The following CEP68 variants were observed in gnomAD, a reference collection of about 807,000 sequenced individuals.
CEP68 encodes centrosomal protein of 68 kDa.
Under a neutral mutation model 55.3 loss-of-function variants are expected in CEP68, and 26 were observed. The ratio of observed to expected loss-of-function variants is 0.47; its 90% CI spans 0.34 to 0.65. The LOEUF (loss-of-function observed/expected upper bound fraction) is 0.65. CEP68 is among the 30% of genes least tolerant of loss of function. CEP68 has a pLI of 0.01. For synonymous variants in CEP68, 402 were observed against 383.2 expected, an observed-to-expected ratio of 1.05 and a Z score of -0.57; for missense variants, 957 against 946.7, an observed-to-expected ratio of 1.01 and a Z score of -0.14.
chr2:65,070,133 T>C (rs1229341612), intron 2 of CEP68, among the ~76,000 whole-genome samples: 1 of 152,150 alleles, frequency 6.6e-6, no homozygotes, highest in Admixed American at 6.5e-5. Flanking sequence ...ACTTGGTGAT[T>C]AAAGGCTTTA....
Position 65,071,092 on chromosome 2 carries a change from C to A in CEP68, c.358-362C>A, listed in dbSNP as rs1012912875. 3.7e-5 allele frequency: 10 copies of A among 266,738 alleles called. No individual in the cohort carries two copies. The East Asian group carries it at 9.3e-4, about 25-fold the overall frequency. 16.5% of individuals were successfully genotyped at this position (266,738 alleles called of 1,614,324 possible). A position where few individuals can be genotyped will look rare whatever the true frequency, so the allele number is the denominator to read the frequency against. On this transcript the variant is annotated intron_variant, in intron 2 of 6. Transcript: ENST00000377990. Reference sequence around the variant, plus strand: ...GGGTTTGGACGTGTCCTGTTAGCGACAGAGTGATTGAGGGTTTCATCTGCC... The same window carrying A: ...GGGTTTGGACGTGTCCTGTTAGCGAAAGAGTGATTGAGGGTTTCATCTGCC...
chr2:65,062,051 T>G (rs1457207495), intron 1 of CEP68, among the ~76,000 whole-genome samples: 1 of 152,208 alleles, frequency 6.6e-6, no homozygotes, highest in Non-Finnish European at 1.5e-5. Context: ...CTTATTCCTG[T>G]GGCCTCCTGT....
At chr2:65,069,302 G>T in intron 1 of CEP68, 97 bp from the exon 2 acceptor site, 1 of 690,316 alleles carries the variant, frequency 1.4e-6, no homozygotes, top group Non-Finnish European at 2.3e-6. Flanking sequence ...TTTTTTCTTT[G>T]ACCAAAAATA....
intron 1 of CEP68, among the ~76,000 whole-genome samples, chr2:65,066,407 C>G (rs911798653): frequency 7.3e-5 from 11 of 151,666 alleles, no homozygotes; most frequent in Admixed American, 1.3e-4. Flanking sequence ...CCAGCCTGGC[C>G]AAGATGGCGA....
In CEP68 at chr2:65,069,671, C is replaced by T. The variant is rs766827279; in HGVS notation, c.227C>T (p.Ser76Phe). The T allele has an allele frequency of 1.2e-6, 2 of 1,614,050 alleles. No homozygotes were observed. Among genetic ancestry groups the T allele is most frequent in the Non-Finnish European group, 1.7e-6 (2 of 1,180,022 alleles). ...CWIGTDPGGP[S>F]RAHQPQASDA... The stretch of plus-strand genomic sequence containing the variant: ...ATTGGGACTGACCCTGGCGGCCCCT[C>T]TAGAGCCCACCAGCCACAGGCCAGT... The change falls in exon 2 of 7, where the codon TCT becomes TTT. Residue 76 changes from serine to phenylalanine, a missense_variant. Physicochemically the swap from Ser to Phe is radical, Grantham distance 155. Coordinates refer to ENST00000377990, the MANE Select transcript of CEP68 (RefSeq NM_015147.3).
chr2:65,069,692 C>G lies in CEP68; in HGVS notation c.248C>G (p.Ala83Gly). 6.2e-7 allele frequency: 1 copy of G among 1,614,092 alleles called. No homozygotes were observed. Among genetic ancestry groups the G allele is most frequent in the South Asian group, 1.1e-5 (1 of 91,088 alleles). Residue 83 changes from alanine (A) to glycine (G), a missense_variant, in exon 2 of 7, where the codon GCC (alanine) becomes GGC (glycine). Transcript: ENST00000377990. ...GGPSRAHQPQ[A>G]SDANREPVAE... Reference sequence around the variant, plus strand: ...CCCTCTAGAGCCCACCAGCCACAGGCCAGTGATGCCAACAGAGAGCCCGTA... The same window carrying G: ...CCCTCTAGAGCCCACCAGCCACAGGGCAGTGATGCCAACAGAGAGCCCGTA...
rs1487012008 is a variant in CEP68, at chr2:65,083,794, A to G, written c.*160A>G. ...AAATGCCTTTCTCCTCCCTGAATGG[A>G]GGGCTGAGTTACTATTTTTATTTAC... is the stretch of plus-strand genomic sequence containing the variant. On this transcript the variant is annotated 3_prime_UTR_variant, in exon 7 of 7. Coordinates refer to ENST00000377990, the MANE Select transcript of CEP68 (RefSeq NM_015147.3). 1.3e-5 allele frequency: 2 copies of G among 152,202 alleles called. No individual in the cohort carries two copies. The highest frequency in any genetic ancestry group is 4.8e-5 in the African/African-American group (2 of 41,462). The allele number at this position is 152,202 out of a possible 1,614,324, so 9.4% of individuals were successfully genotyped here. A position where few individuals can be genotyped will look rare whatever the true frequency, so the allele number is the denominator to read the frequency against.
Position 65,072,864 on chromosome 2 carries a change from C to T in CEP68, c.1768C>T (p.Arg590Cys), listed in dbSNP as rs1156806816. ...GGTCTCCTCTGGACTGCTGAAAACACGCCCCTCCTTGCCAGCTAGGTTGGA... is the reference window on the plus strand; with the variant it reads ...GGTCTCCTCTGGACTGCTGAAAACATGCCCCTCCTTGCCAGCTAGGTTGGA... ...LGVSSGLLKT[R>C]PSLPARLDRW... The change falls in exon 3 of 7, where the codon CGC (arginine) becomes TGC (cysteine). Residue 590 changes from arginine (R) to cysteine (C), a missense_variant. By Grantham distance (180) the Arg-to-Cys change is radical. Coordinates refer to ENST00000377990, the MANE Select transcript of CEP68 (RefSeq NM_015147.3). The T allele has an allele frequency of 9.9e-6, 16 of 1,614,208 alleles. No individual in the cohort carries two copies. The highest frequency in any genetic ancestry group is 6.7e-5 in the Admixed American group (4 of 60,030).
chr2:65,081,504 T>C (rs962401775), intron 5 of CEP68, among the ~76,000 whole-genome samples: 1 of 152,110 alleles, frequency 6.6e-6, no homozygotes, highest in Non-Finnish European at 1.5e-5. Flanking sequence ...AGGGAGAGTA[T>C]AAGCACAGCT....
At chr2:65,070,703 T>G (rs1676420615) in intron 2 of CEP68, 1 of 152,108 alleles carries the variant, frequency 6.6e-6, no homozygotes, top group African/African-American at 2.4e-5. Flanking sequence ...AAATGGCCTT[T>G]CACGGGGATG....
rs1425101700 is a variant in CEP68, at chr2:65,071,982, A to G, written c.886A>G (p.Asn296Asp). ...PDRHSPLWNP[N>D]KEYEDLLDYT... The stretch of plus-strand genomic sequence containing the variant: ...CCGCCACTCCCCTCTCTGGAACCCA[A>G]ATAAAGAGTATGAAGATCTGCTTGA... The change falls in exon 3 of 7, where the codon AAT becomes GAT. Residue 296 changes from asparagine (N) to aspartate (D), a missense_variant. By Grantham distance (23) the Asn-to-Asp change is conservative (BLOSUM62 1). Transcript: ENST00000377990. The G allele has an allele frequency of 6.2e-7, 1 of 1,612,784 alleles. No individual in the cohort carries two copies. The highest frequency in any genetic ancestry group is 2.2e-5 in the East Asian group (1 of 44,872).
intron 5 of CEP68, among the ~76,000 whole-genome samples, chr2:65,081,056 C>A (rs1676984755): frequency 6.6e-6 from 1 of 151,138 alleles, no homozygotes; most frequent in African/African-American, 2.4e-5. Flanking sequence ...ACTAAAAATA[C>A]AAATATTAGC....
rs528823795 is a variant in CEP68 at position 65,069,721 on chromosome 2, G to A, written c.277G>A (p.Glu93Lys). The A allele has an allele frequency of 1.2e-5, 19 of 1,614,134 alleles. No homozygotes were observed. In the East Asian group the frequency reaches 3.8e-4, roughly 32 times the overall value. ...ASDANREPVA[E>K]RSEPALSGLP... ...TGATGCCAACAGAGAGCCCGTAGCT[G>A]AGAGGTCTGAGCCTGCACTCAGTGG... The change falls in exon 2 of 7, where the codon GAG becomes AAG. Residue 93 changes from glutamate (E) to lysine (K), a missense_variant. Coordinates refer to ENST00000377990, the MANE Select transcript of CEP68 (RefSeq NM_015147.3).
At position 65,071,549 on chromosome 2, in the gene CEP68, C is replaced by A; in HGVS notation, c.453C>A (p.Thr151=). 1 of 1,614,132 alleles carries A rather than the reference C, an allele frequency of 6.2e-7. No homozygotes were observed. Among genetic ancestry groups the A allele is most frequent in the Non-Finnish European group, 8.5e-7 (1 of 1,180,004 alleles). ...TTICSGHDAD[T]EDDPSLADLP... Reference sequence around the variant, plus strand: ...TTTGCTCAGGACATGATGCTGATACCGAAGATGATCCATCCCTAGCAGATT... The same window carrying A: ...TTTGCTCAGGACATGATGCTGATACAGAAGATGATCCATCCCTAGCAGATT... Residue 151 remains threonine (T), a synonymous_variant, in exon 3 of 7, where the codon ACC becomes ACA. Coordinates refer to ENST00000377990, the MANE Select transcript of CEP68 (RefSeq NM_015147.3).
At position 65,074,425 on chromosome 2, in the gene CEP68, TG is replaced by T. The variant is rs1369420097; in HGVS notation, c.2007+23del. ...ACCGGGTAATATGCGGTCCTGGCTCTGGCTTGTTCCCTCACAAGAGTGTGGC... is the reference window on the plus strand; with the variant it reads ...ACCGGGTAATATGCGGTCCTGGCTCTGCTTGTTCCCTCACAAGAGTGTGGC... On this transcript the variant is annotated intron_variant, in intron 4 of 6. Coordinates refer to ENST00000377990, the MANE Select transcript of CEP68 (RefSeq NM_015147.3). 6 of 1,614,050 alleles carry T rather than the reference TG, an allele frequency of 3.7e-6. No individual in the cohort carries two copies. The East Asian group carries it at 1.3e-4, about 36-fold the overall frequency.
At chr2:65,058,281 C>A (rs1352053945) in intron 1 of CEP68, among the ~76,000 whole-genome samples, 1 of 152,102 alleles carries the variant, frequency 6.6e-6, no homozygotes, top group Non-Finnish European at 1.5e-5. Context: ...TCTCAACTCA[C>A]TGTGGCCTCA....
chr2:65,086,669 T>C lies in CEP68; in HGVS notation c.*3035T>C, dbSNP rs891275696. ...GCATGGCATCACAGTATCTTGACAT[T>C]TGTTTTGTGTCATTTAGCTACTTTA... On this transcript the variant is annotated 3_prime_UTR_variant, in exon 7 of 7. Transcript: ENST00000377990. The C allele has an allele frequency of 6.6e-6, 1 of 152,466 alleles. No homozygotes were observed. Among genetic ancestry groups the C allele is most frequent in the Non-Finnish European group, 1.5e-5 (1 of 68,048 alleles). 9.4% of individuals were successfully genotyped at this position (152,466 alleles called of 1,614,324 possible). A position where few individuals can be genotyped will look rare whatever the true frequency, so the allele number is the denominator to read the frequency against.
intron 1 of CEP68, among the ~76,000 whole-genome samples, chr2:65,062,851 T>A (rs1385755346): frequency 6.6e-6 from 1 of 151,622 alleles, no homozygotes; most frequent in Non-Finnish European, 1.5e-5. Context: ...AAAAAAATAG[T>A]CCTAGGGGAG....
At chr2:65,081,177 A>G (rs1466585893) in intron 5 of CEP68, among the ~76,000 whole-genome samples, 2 of 149,578 alleles carry the variant, frequency 1.3e-5, no homozygotes, top group Admixed American at 6.7e-5. Context: ...GTGCCGCTGC[A>G]CTCCAGCCTG....
Sources: allele counts gnomAD v4.1 joint callset (sites outside exome capture counted in the v4.1 genomes callset), GRCh38; gene constraint gnomAD v4.1.1; transcripts MANE v1.5; gene names NCBI Gene and HGNC (gene_info 2026-07-23, HGNC 2026-07-21).